Variants in ADGRG4 observed in about 807,000 individuals in gnomAD.
ADGRG4 encodes the protein G protein-coupled receptor 112.
A neutral mutation model predicts 126.2 loss-of-function variants in ADGRG4; 122 were observed. That is an observed-to-expected ratio of 0.97 (90% CI 0.83 to 1.12). ADGRG4 has a LOEUF of 1.12. Among genes scored for constraint, ADGRG4 ranks in the 50% most tolerant of loss-of-function variants. ADGRG4 has a pLI of 0.00. For synonymous variants in ADGRG4, 943 were observed against 838.7 expected, an observed-to-expected ratio of 1.12 and a Z score of -2.15; for missense variants, 2,481 against 2,251.8, an observed-to-expected ratio of 1.10 and a Z score of -2.06.
chrX:136,303,481 CAGAA>C (rs373079596), intron 1 of ADGRG4, among the ~76,000 whole-genome samples: 2 of 107,283 alleles, frequency 1.9e-5, no homozygotes, highest in African/African-American at 3.3e-5. Flanking sequence ...GACAGACAGA[CAGAA>C]AGAAAGAAAG....
At chrX:136,359,037 C>T (rs944286467) in intron 10 of ADGRG4, among the ~76,000 whole-genome samples, 1 of 112,626 alleles carries the variant, frequency 8.9e-6, no homozygotes, top group Non-Finnish European at 1.9e-5. Context: ...GCAATTTCAA[C>T]ACAATGCATA....
chrX:136,312,490 G>A (rs755798696), intron 4 of ADGRG4, among the ~76,000 whole-genome samples: 2 of 111,443 alleles, frequency 1.8e-5, no homozygotes, highest in South Asian at 7.6e-4. Context: ...GCTGGGCATG[G>A]TGGTATGCAC....
In ADGRG4 at chrX:136,399,990, C is replaced by A. The variant is rs762523105; in HGVS notation, c.8449C>A (p.His2817Asn). ...GVCITAAVAL[H>N]YFLLVSFTWM... ...TTGTATCACAGCTGCAGTGGCACTT[C>A]ATTACTTCCTGCTTGTTTCTTTTAC... The change falls in exon 21 of 26, where the codon CAT becomes AAT. Residue 2817 changes from histidine to asparagine, a missense_variant. Physicochemically the swap from His to Asn is moderately conservative, Grantham distance 68 (BLOSUM62 1). Coordinates refer to ENST00000394143, the MANE Select transcript of ADGRG4 (RefSeq NM_153834.4). 1 of 1,211,269 alleles carries A rather than the reference C, an allele frequency of 8.3e-7. No individual in the cohort carries two copies. The highest frequency in any genetic ancestry group is 1.1e-6 in the Non-Finnish European group (1 of 894,970).
Position 136,344,945 on chromosome X carries a change from TACA to T in ADGRG4, c.1243_1245del (p.Thr415del). ...CAACTATTGAGTCAACATCTATGTC[TACA>T]ACACCTTGTCTCAAACAAAAATCCA... On this transcript the variant is annotated inframe_deletion, in exon 6 of 26. Transcript: ENST00000394143. 8.3e-7 allele frequency: 1 copy of T among 1,209,302 alleles called. No individual in the cohort carries two copies. The highest frequency in any genetic ancestry group is 1.1e-6 in the Non-Finnish European group (1 of 893,229).
chrX:136,398,517 T>C (rs1210787575), intron 20 of ADGRG4, among the ~76,000 whole-genome samples: 1 of 111,986 alleles, frequency 8.9e-6, no homozygotes, highest in Non-Finnish European at 1.9e-5. Flanking sequence ...CCAATAAGCA[T>C]ATGACAAAGT....
chrX:136,373,342 T>G (rs2075206155), intron 15 of ADGRG4, among the ~76,000 whole-genome samples: 1 of 111,774 alleles, frequency 8.9e-6, no homozygotes, highest in Non-Finnish European at 1.9e-5. Flanking sequence ...AGGAACACAT[T>G]ATATGTTGGA....
intron 16 of ADGRG4, 22 bp downstream of exon 16, chrX:136,387,896 C>T: frequency 8.5e-7 from 1 of 1,171,893 alleles, no homozygotes; most frequent in Non-Finnish European, 1.2e-6. Context: ...CCTGTGGTAA[C>T]TGTGATGAAC....
chrX:136,387,599 G>A, intron 15 of ADGRG4, 141 bp from the exon 16 acceptor site: 1 of 502,294 alleles, frequency 2.0e-6, no homozygotes, highest in Non-Finnish European at 3.4e-6. Flanking sequence ...TGTGTGAAAA[G>A]TGTATCATCG....
At position 136,364,546 on chromosome X, in the gene ADGRG4, G is replaced by C. The variant is rs187031901; in HGVS notation, c.7396+951G>C. ...TATTTAACCTGTTTCTTATGGATGA[G>C]TATTTAGGTTGTCAGTAACATTTTT... On this transcript the variant is annotated intron_variant, in intron 13 of 25. Transcript: ENST00000394143. Among the ~76,000 whole-genome samples, 632 of 111,793 alleles carry C rather than the reference G, an allele frequency of 5.7e-3. 2 individuals are homozygous for C. The highest frequency in any genetic ancestry group is 0.019 in the African/African-American group (596 of 30,825).
chrX:136,410,717 G>C (rs1240712950), intron 23 of ADGRG4, among the ~76,000 whole-genome samples: 4 of 111,605 alleles, frequency 3.6e-5, no homozygotes, highest in Non-Finnish European at 7.5e-5. Context: ...TACATTTATT[G>C]AGCGGCCGCA....
chrX:136,329,584 A>T (rs1202277495), intron 5 of ADGRG4, among the ~76,000 whole-genome samples: 2 of 112,029 alleles, frequency 1.8e-5, no homozygotes, highest in Admixed American at 9.4e-5. Flanking sequence ...CCCTCCAAGG[A>T]TGGAGGCCTG....
Position 136,351,541 on chromosome X carries a change from G to C in ADGRG4, c.6822G>C (p.Ser2274=). 9.9e-7 allele frequency: 1 copy of C among 1,013,410 alleles called. No homozygotes were observed. Among genetic ancestry groups the C allele is most frequent in the Non-Finnish European group, 1.4e-6 (1 of 739,594 alleles). 83.5% of individuals were successfully genotyped at this position (1,013,410 alleles called of 1,213,427 possible). The change falls in exon 7 of 26, where the codon TCG becomes TCC. Residue 2274 remains serine, a splice_region_variant and synonymous_variant. Coordinates refer to ENST00000394143, the MANE Select transcript of ADGRG4 (RefSeq NM_153834.4). Reference sequence around the variant, plus strand: ...TTATAAATGAATTTACGGAAAATTCGGTAAAATAATCTTTTGCATATTTAT... The same window carrying C: ...TTATAAATGAATTTACGGAAAATTCCGTAAAATAATCTTTTGCATATTTAT... ...TSVINEFTEN[S]LNSIFQNSEF...
Position 136,345,541 on chromosome X carries a change from C to T in ADGRG4, c.1835C>T (p.Thr612Ile), listed in dbSNP as rs1311773906. The T allele has an allele frequency of 8.3e-7, 1 of 1,207,910 alleles. No homozygotes were observed. Among genetic ancestry groups the T allele is most frequent in the East Asian group, 3.0e-5 (1 of 33,722 alleles). Residue 612 changes from threonine to isoleucine, a missense_variant, in exon 6 of 26, where the codon ACA becomes ATA. Transcript: ENST00000394143. ...ACAGGACGAGTTTACACCCAGAATA[C>T]ACCTACAGCTGATGGACACTTGCTT... The part of the protein sequence containing the change: ...TITGRVYTQN[T>I]PTADGHLLTL...
intron 5 of ADGRG4, among the ~76,000 whole-genome samples, chrX:136,339,302 T>C (rs975482919): frequency 1.8e-5 from 2 of 111,799 alleles, no homozygotes; most frequent in East Asian, 2.8e-4. Flanking sequence ...TTTCCTCTTA[T>C]GCCTGCCTGC....
chrX:136,351,019 A>G (rs756148972), intron 6 of ADGRG4, among the ~76,000 whole-genome samples: 10 of 111,757 alleles, frequency 8.9e-5, no homozygotes, highest in Admixed American at 1.9e-4. Context: ...TTGATAGGAT[A>G]CACAAGAGCA....
At position 136,348,979 on chromosome X, in the gene ADGRG4, G is replaced by A; in HGVS notation, c.5273G>A (p.Ser1758Asn). The A allele has an allele frequency of 8.3e-7, 1 of 1,208,966 alleles. No individual in the cohort carries two copies. The change falls in exon 6 of 26, where the codon AGT becomes AAT. Residue 1758 changes from serine (S) to asparagine (N), a missense_variant. Physicochemically the swap from Ser to Asn is conservative, Grantham distance 46 (BLOSUM62 1). Transcript: ENST00000394143. The stretch of plus-strand genomic sequence containing the variant: ...ATGCTTTCACCTACTCATGCAGATA[G>A]TCTCCATACTTCCTTCAATATTCAG... ...ENMLSPTHAD[S>N]LHTSFNIQVS... is the part of the protein sequence containing the mutation.
intron 13 of ADGRG4, among the ~76,000 whole-genome samples, chrX:136,365,711 T>C (rs1252699748): frequency 8.9e-6 from 1 of 112,090 alleles, no homozygotes; most frequent in Non-Finnish European, 1.9e-5. Flanking sequence ...TTCCAATTTC[T>C]TCACATCCTT....
intron 4 of ADGRG4, among the ~76,000 whole-genome samples, chrX:136,322,405 G>C (rs1321100342): frequency 9.0e-6 from 1 of 111,504 alleles, no homozygotes; most frequent in Admixed American, 9.5e-5. Flanking sequence ...ATATGAGTGA[G>C]GATTATGTGT....
intron 21 of ADGRG4, 105 bp downstream of exon 21, chrX:136,400,221 G>C (rs892821580): frequency 3.0e-6 from 2 of 673,469 alleles, no homozygotes; most frequent in African/African-American, 4.4e-5. Flanking sequence ...ATTAAGGATC[G>C]CCTTGCTGGT....
Sources: gnomAD v4.1 joint callset for allele counts (sites outside exome capture counted in the v4.1 genomes callset) on GRCh38, gnomAD v4.1.1 for gene constraint, MANE v1.5 for transcripts, NCBI Gene and HGNC (gene_info 2026-07-23, HGNC 2026-07-21) for gene names.